Variants in MAPK7 observed in about 807,000 individuals in gnomAD.
MAPK7 encodes the protein BMK-1.
Under a neutral mutation model 56.9 loss-of-function variants are expected in MAPK7, and 30 were observed. The ratio of observed to expected loss-of-function variants is 0.53; its 90% CI spans 0.39 to 0.72. The LOEUF (loss-of-function observed/expected upper bound fraction) is 0.72. Among genes scored for constraint, MAPK7 ranks in the 30% least tolerant of loss-of-function variants. The pLI is 0.00. For missense variants in MAPK7, 952 were observed against 1,110.8 expected, an observed-to-expected ratio of 0.86 and a Z score of 2.03; for synonymous variants, 516 against 449.3, an observed-to-expected ratio of 1.15 and a Z score of -1.88.
upstream of MAPK7, chr17:19,378,338 A>T: frequency 1.0e-6 from 1 of 988,154 alleles, no homozygotes; most frequent in Non-Finnish European, 1.2e-6. The surrounding 1 kb of genome is among the most constrained non-coding windows in gnomAD (Gnocchi z 5.4). Flanking sequence ...CCCGCCGGCG[A>T]GCTGGACAGC....
chr17:19,381,835 A>T lies in MAPK7; in HGVS notation c.1532A>T (p.Gln511Leu). 1 of 1,585,648 alleles carries T rather than the reference A, an allele frequency of 6.3e-7. No homozygotes were observed. Among genetic ancestry groups the T allele is most frequent in the Non-Finnish European group, 8.6e-7 (1 of 1,166,138 alleles). ...APEPRKPVTA[Q>L]ERQREREEKR... ...GAGCCTCGGAAGCCGGTGACAGCCC[A>T]GGAGCGCCAGCGGGAGCGGGAGGAG... Residue 511 changes from glutamine to leucine, a missense_variant, in exon 5 of 7, where the codon CAG becomes CTG. Physicochemically the swap from Gln to Leu is moderately radical, Grantham distance 113. This residue lies in a region of MAPK7 where 429 missense variants were observed against 533.0 expected (regional missense o/e 0.80). Transcript: ENST00000395604. This position sits in a 1 kb window ranked among gnomAD's most constrained non-coding sequence, Gnocchi z 4.6.
intron 3 of MAPK7, chr17:19,380,338 C>T (rs777781412): frequency 7.5e-5 from 54 of 724,448 alleles, no homozygotes; most frequent in Admixed American, 1.5e-4. Flanking sequence ...CAAAAGGAAA[C>T]CTATTGGCCA....
rs1174679086 is a variant in MAPK7, at chr17:19,381,612, A to G, written c.1403A>G (p.Asp468Gly). 6.2e-7 allele frequency: 1 copy of G among 1,613,890 alleles called. No individual in the cohort carries two copies. Among genetic ancestry groups the G allele is most frequent in the Non-Finnish European group, 8.5e-7 (1 of 1,179,942 alleles). The change falls in exon 4 of 7, where the codon GAT becomes GGT. Residue 468 changes from aspartate (D) to glycine (G), a missense_variant. Physicochemically the swap from Asp to Gly is moderately conservative, Grantham distance 94. Around this residue, in one of 5 missense-constraint regions of MAPK7, gnomAD observed 429 missense variants for 533.0 expected, o/e 0.80. Coordinates refer to ENST00000395604, the MANE Select transcript of MAPK7 (RefSeq NM_002749.4). The surrounding 1 kb of genome is among the most constrained non-coding windows in gnomAD (Gnocchi z 4.6). The stretch of plus-strand genomic sequence containing the variant: ...AGTGAGCCTGCCCCACCAAAGAAAG[A>G]TGGTGCCATCTCAGACAATACTAAG... ...PVSEPAPPKKDGAISDNTKAA... is the reference protein window; with the variant it reads ...PVSEPAPPKKGGAISDNTKAA...
chr17:19,380,048 C>G (rs1912515547), intron 3 of MAPK7, 101 bp downstream of exon 3: 3 of 1,377,920 alleles, frequency 2.2e-6, no homozygotes. Context: ...TAATCTGAAG[C>G]AGGCTGGGAA....
Position 19,382,876 on chromosome 17 carries a change from G to T in MAPK7, c.2227G>T (p.Val743Phe). The change falls in exon 6 of 7, where the codon GTT becomes TTT. Residue 743 changes from valine (V) to phenylalanine (F), a missense_variant. Physicochemically the swap from Val to Phe is conservative, Grantham distance 50. Transcript: ENST00000395604. ...TPKGSGAGYG[V>F]GFDLEEFLNQ... ...AAAGGGCAGTGGGGCTGGCTACGGT[G>T]TTGGCTTTGACCTGGAGGAATTCTT... The T allele has an allele frequency of 1.2e-6, 2 of 1,614,246 alleles. No homozygotes were observed. The highest frequency in any genetic ancestry group is 1.7e-6 in the Non-Finnish European group (2 of 1,180,042).
In MAPK7 at chr17:19,383,163, C is replaced by T; in HGVS notation, c.2383C>T (p.Leu795=). The change falls in exon 7 of 7, where the codon CTG becomes TTG. Residue 795 remains leucine, a synonymous_variant. Transcript: ENST00000395604. ...HGMNPADIES[L]QREIQMDSPM... ...CATGAACCCTGCCGATATTGAGTCC[C>T]TGCAGCGTGAGATCCAGATGGACTC... 1 of 1,614,178 alleles carries T rather than the reference C, an allele frequency of 6.2e-7. No individual in the cohort carries two copies. Among genetic ancestry groups the T allele is most frequent in the Non-Finnish European group, 8.5e-7 (1 of 1,180,036 alleles).
In MAPK7 at chr17:19,382,824, C is replaced by CCTG. The variant is rs1912839714; in HGVS notation, c.2177_2179dup (p.Leu726dup). ...GTCATTCCCTGCAGGTGGAGGACCC[C>CCTG]CTGCCCCCTGTGTTCTCAGGCACAC... On this transcript the variant is annotated inframe_insertion, in exon 6 of 7. Coordinates refer to ENST00000395604, the MANE Select transcript of MAPK7 (RefSeq NM_002749.4). The CCTG allele has an allele frequency of 6.2e-7, 1 of 1,614,034 alleles. No individual in the cohort carries two copies. The highest frequency in any genetic ancestry group is 8.5e-7 in the Non-Finnish European group (1 of 1,180,016).
Position 19,378,566 on chromosome 17 carries a change from C to T in MAPK7, c.-70C>T, listed in dbSNP as rs1449738446. The T allele has an allele frequency of 1.7e-5, 20 of 1,210,648 alleles. No homozygotes were observed. Among genetic ancestry groups the T allele is most frequent in the East Asian group, 4.3e-5 (1 of 23,254 alleles). The allele number at this position is 1,210,648 out of a possible 1,614,324, so 75.0% of individuals were successfully genotyped here. ...AAGTAAGTGAGCCACCCTCGGAGAC[C>T]CCCGCGCTGGGGACGGGAGGCCGGC... On this transcript the variant is annotated 5_prime_UTR_variant, in exon 1 of 7. Transcript: ENST00000395604. The surrounding 1 kb of genome is among the most constrained non-coding windows in gnomAD (Gnocchi z 5.4).
chr17:19,378,081 CT>C, upstream of MAPK7: 1 of 984,796 alleles, frequency 1.0e-6, no homozygotes, highest in Non-Finnish European at 1.2e-6. This position sits in a 1 kb window ranked among gnomAD's most constrained non-coding sequence, Gnocchi z 5.4. Flanking sequence ...CGGAAGGGGA[CT>C]TCGGGAGCCA....
In MAPK7 at chr17:19,382,194, C is replaced by G. The variant is rs772642554; in HGVS notation, c.1891C>G (p.Pro631Ala). Residue 631 changes from proline (P) to alanine (A), a missense_variant, in exon 5 of 7, where the codon CCT becomes GCT. This residue lies in a region of MAPK7 where 234 missense variants were observed against 210.4 expected (regional missense o/e 1.11). Transcript: ENST00000395604. ...AGSTSGPVPQPACPPPGPAPH... is the reference protein window; with the variant it reads ...AGSTSGPVPQAACPPPGPAPH... ...CTCTACCTCTGGCCCTGTACCCCAGCCTGCCTGCCCACCCCCTGGCCCTGC... is the reference window on the plus strand; with the variant it reads ...CTCTACCTCTGGCCCTGTACCCCAGGCTGCCTGCCCACCCCCTGGCCCTGC... The G allele has an allele frequency of 6.2e-7, 1 of 1,612,272 alleles. No homozygotes were observed. Among genetic ancestry groups the G allele is most frequent in the African/African-American group, 1.3e-5 (1 of 74,880 alleles).
chr17:19,383,333 T>A lies in MAPK7; in HGVS notation c.*102T>A, dbSNP rs1284302404. On this transcript the variant is annotated 3_prime_UTR_variant, in exon 7 of 7. Transcript: ENST00000395604. Reference sequence around the variant, plus strand: ...CTGGACCCAGCAGGTGAGGCTCGGCTTGGATTATTCTGCAGGTTCATCTCA... The same window carrying A: ...CTGGACCCAGCAGGTGAGGCTCGGCATGGATTATTCTGCAGGTTCATCTCA... The A allele has an allele frequency of 2.2e-6, 3 of 1,350,244 alleles. No homozygotes were observed. The Admixed American group carries it at 6.3e-5, about 28-fold the overall frequency. The allele number at this position is 1,350,244 out of a possible 1,614,324, so 83.6% of individuals were successfully genotyped here. A position where few individuals can be genotyped will look rare whatever the true frequency, so the allele number is the denominator to read the frequency against.
intron 3 of MAPK7, 171 bp downstream of exon 3, chr17:19,380,118 C>T (rs1912522928): frequency 5.8e-6 from 4 of 684,128 alleles, no homozygotes; most frequent in Non-Finnish European, 9.7e-6. Context: ...TGTTATTCCT[C>T]AAGAAGTGTA....
Position 19,383,131 on chromosome 17 carries a change from G to T in MAPK7, c.2351G>T (p.Gly784Val), listed in dbSNP as rs1465225171. Residue 784 changes from glycine (G) to valine (V), a missense_variant, in exon 7 of 7, where the codon GGC becomes GTC. Physicochemically the swap from Gly to Val is moderately radical, Grantham distance 109. Transcript: ENST00000395604. Reference protein sequence around the residue: ...SASLLADWLEGHGMNPADIES... With the variant: ...SASLLADWLEVHGMNPADIES... Reference sequence around the variant, plus strand: ...TCCCTGCTTGCTGACTGGCTCGAAGGCCATGGCATGAACCCTGCCGATATT... The same window carrying T: ...TCCCTGCTTGCTGACTGGCTCGAAGTCCATGGCATGAACCCTGCCGATATT... The T allele has an allele frequency of 6.2e-7, 1 of 1,614,036 alleles. No individual in the cohort carries two copies. Among genetic ancestry groups the T allele is most frequent in the Admixed American group, 1.7e-5 (1 of 60,014 alleles).
At chr17:19,378,156 A>G (rs1247488773), upstream of MAPK7, 2 of 976,674 alleles carry the variant, frequency 2.0e-6, no homozygotes, top group Non-Finnish European at 2.4e-6. This position sits in a 1 kb window ranked among gnomAD's most constrained non-coding sequence, Gnocchi z 5.4. Context: ...AGCTCACGGG[A>G]CTAGCTGTGA....
rs781653749 is a variant in MAPK7 at position 19,381,322 on chromosome 17, C to T, written c.1113C>T (p.Ala371=). Reference sequence around the variant, plus strand: ...TTGACTTTGCCTTTGACCGCGAAGCCCTCACTCGGGAGCGCATTAAGGAGG... The same window carrying T: ...TTGACTTTGCCTTTGACCGCGAAGCTCTCACTCGGGAGCGCATTAAGGAGG... ...PPFDFAFDRE[A]LTRERIKEAI... Residue 371 remains alanine, a synonymous_variant, in exon 4 of 7, where the codon GCC becomes GCT. Coordinates refer to ENST00000395604, the MANE Select transcript of MAPK7 (RefSeq NM_002749.4). The surrounding 1 kb of genome is among the most constrained non-coding windows in gnomAD (Gnocchi z 4.6). The T allele has an allele frequency of 1.2e-6, 2 of 1,614,008 alleles. No homozygotes were observed.
rs1160563723 is a variant in MAPK7 at position 19,378,899 on chromosome 17, C to G, written c.-2C>G. 1 of 1,561,742 alleles carries G rather than the reference C, an allele frequency of 6.4e-7. No homozygotes were observed. Among genetic ancestry groups the G allele is most frequent in the Non-Finnish European group, 8.7e-7 (1 of 1,152,372 alleles). ...CCTCACCCGAGTCTCCACACAGACA[C>G]CATGGCCGAGCCTCTGAAGGAGGAA... On this transcript the variant is annotated 5_prime_UTR_variant, in exon 2 of 7. Transcript: ENST00000395604. This position sits in a 1 kb window ranked among gnomAD's most constrained non-coding sequence, Gnocchi z 5.4.
intron 2 of MAPK7, chr17:19,379,554 C>G: frequency 1.7e-6 from 1 of 579,458 alleles, no homozygotes. Context: ...GCCATATTTC[C>G]TTCTCTTTAA....
At chr17:19,380,073 T>A in intron 3 of MAPK7, 126 bp downstream of exon 3, 1 of 1,032,336 alleles carries the variant, frequency 9.7e-7, no homozygotes, top group Non-Finnish European at 1.4e-6. Flanking sequence ...CCCGCAGTTC[T>A]AGGACCAGTT....
In MAPK7 at chr17:19,380,674, A is replaced by G. The variant is rs1244707439; in HGVS notation, c.465A>G (p.Thr155=). The change falls in exon 4 of 7, where the codon ACA becomes ACG. Residue 155 remains threonine (T), a synonymous_variant. Transcript: ENST00000395604. ...HQIIHSSQPL[T]LEHVRYFLYQ... Reference sequence around the variant, plus strand: ...TCATCCACTCCTCACAGCCCCTCACACTGGAACACGTGCGCTACTTCCTGT... The same window carrying G: ...TCATCCACTCCTCACAGCCCCTCACGCTGGAACACGTGCGCTACTTCCTGT... 6 of 1,613,830 alleles carry G rather than the reference A, an allele frequency of 3.7e-6. No homozygotes were observed. The highest frequency in any genetic ancestry group is 5.1e-6 in the Non-Finnish European group (6 of 1,179,910).
Sources: allele counts gnomAD v4.1 joint callset, GRCh38; gene constraint gnomAD v4.1.1; regional missense constraint gnomAD v4.1.1; non-coding constraint Gnocchi (gnomAD v3.1); transcripts MANE v1.5; gene names NCBI Gene and HGNC (gene_info 2026-07-23, HGNC 2026-07-21).